Variants in SDK1 observed in about 807,000 individuals in gnomAD.
The protein encoded by SDK1 is protein sidekick-1.
Under a neutral mutation model 245.5 loss-of-function variants are expected in SDK1, and 157 were observed. The ratio of observed to expected loss-of-function variants is 0.64; its 90% CI spans 0.56 to 0.73. The LOEUF (loss-of-function observed/expected upper bound fraction) is 0.73. SDK1 is among the 30% of genes least tolerant of loss of function. The pLI is 0.00. For missense variants in SDK1, 3,583 were observed against 3,002.3 expected, an observed-to-expected ratio of 1.19 and a Z score of -4.52; for synonymous variants, 1,647 against 1,278.5, an observed-to-expected ratio of 1.29 and a Z score of -6.15.
At chr7:3,685,455 G>T (rs1240084544) in intron 4 of SDK1, among the ~76,000 whole-genome samples, 1 of 152,152 alleles carries the variant, frequency 6.6e-6, no homozygotes, top group African/African-American at 2.4e-5. Context: ...TATTGGGGAA[G>T]AGCTGCATAA....
At chr7:3,817,234 C>T (rs1779530430) in intron 4 of SDK1, among the ~76,000 whole-genome samples, 1 of 152,144 alleles carries the variant, frequency 6.6e-6, no homozygotes, top group Admixed American at 6.6e-5. Flanking sequence ...TATTTCTGGA[C>T]ACCTCCTGGA....
chr7:3,955,808 G>C (rs1305779037), intron 7 of SDK1, among the ~76,000 whole-genome samples: 1 of 152,216 alleles, frequency 6.6e-6, no homozygotes, highest in Non-Finnish European at 1.5e-5. Flanking sequence ...CATTGGGCCT[G>C]AGCCTGCACT....
intron 28 of SDK1, among the ~76,000 whole-genome samples, chr7:4,135,712 C>T (rs1251953702): frequency 2.0e-5 from 3 of 152,226 alleles, no homozygotes; most frequent in Non-Finnish European, 2.9e-5. Flanking sequence ...TTCGTGCCTC[C>T]CTCACTGGTT....
intron 1 of SDK1, among the ~76,000 whole-genome samples, chr7:3,529,772 G>A (rs1354320104): frequency 6.6e-6 from 1 of 152,176 alleles, no homozygotes; most frequent in Non-Finnish European, 1.5e-5. Flanking sequence ...CAGAGGGAGA[G>A]CTGGTGACCA....
chr7:3,921,310 A>G (rs950988800), intron 5 of SDK1, among the ~76,000 whole-genome samples: 2 of 152,358 alleles, frequency 1.3e-5, no homozygotes, highest in East Asian at 1.9e-4. Flanking sequence ...ATCATTTTCA[A>G]TAACTGCCTA....
intron 1 of SDK1, among the ~76,000 whole-genome samples, chr7:3,326,565 G>A (rs887693683): frequency 6.6e-5 from 10 of 152,048 alleles, no homozygotes; most frequent in African/African-American, 2.4e-4. Context: ...CTTGTTTCCC[G>A]CCACAGAGCT....
chr7:3,972,375 G>A (rs1449113211), intron 12 of SDK1, among the ~76,000 whole-genome samples: 2 of 152,074 alleles, frequency 1.3e-5, no homozygotes, highest in Non-Finnish European at 2.9e-5. Context: ...TGCCGTGCCC[G>A]GCCAAGGGTT....
intron 5 of SDK1, among the ~76,000 whole-genome samples, chr7:3,905,705 C>A (rs1434367522): frequency 1.3e-5 from 2 of 151,878 alleles, no homozygotes; most frequent in South Asian, 2.1e-4. Flanking sequence ...TCACTGTAAC[C>A]CCGAACTCCT....
rs537931381 is a variant in SDK1, at chr7:3,727,051, T to C, written c.713+84946T>C. Reference sequence around the variant, plus strand: ...TGACTGACAGTCTTGGGAATGTGCATTGCAGTCTTTATAGGCATGACATGC... The same window carrying C: ...TGACTGACAGTCTTGGGAATGTGCACTGCAGTCTTTATAGGCATGACATGC... On this transcript the variant is annotated intron_variant, in intron 4 of 44. Transcript: ENST00000404826. Among the ~76,000 whole-genome samples the C allele has an allele frequency of 8.5e-5, 13 of 152,346 alleles. 1 individual carries two copies. In the South Asian group the frequency reaches 2.7e-3, roughly 32 times the overall value.
At chr7:3,567,575 G>C (rs1779966242) in intron 1 of SDK1, among the ~76,000 whole-genome samples, 1 of 152,242 alleles carries the variant, frequency 6.6e-6, no homozygotes, top group South Asian at 2.1e-4. Flanking sequence ...ATTGCTAACA[G>C]ATGAAGCTGC....
intron 38 of SDK1, among the ~76,000 whole-genome samples, chr7:4,216,429 G>A (rs1378703493): frequency 6.6e-6 from 1 of 152,146 alleles, no homozygotes; most frequent in East Asian, 1.9e-4. Flanking sequence ...AGACAACTGT[G>A]CCTGCGTGGG....
At chr7:3,579,180 TTCTA>T (rs1297777734) in intron 1 of SDK1, among the ~76,000 whole-genome samples, 2 of 151,982 alleles carry the variant, frequency 1.3e-5, no homozygotes, top group African/African-American at 4.8e-5. Flanking sequence ...CCCCAAGTCA[TTCTA>T]TAAGGCAGCA....
intron 1 of SDK1, among the ~76,000 whole-genome samples, chr7:3,462,892 C>T (rs1005526261): frequency 2.6e-5 from 4 of 152,136 alleles, no homozygotes; most frequent in Non-Finnish European, 4.4e-5. Context: ...TCATGTTACC[C>T]CCACCAGGTT....
rs191062900 is a variant in SDK1 at position 3,591,034 on chromosome 7, T to C, written c.299-28046T>C. ...TAAAAAACTCCCCAGGAGATCCTAATGTGCAAAGTTAAGAACAACGGTTTA... is the reference window on the plus strand; with the variant it reads ...TAAAAAACTCCCCAGGAGATCCTAACGTGCAAAGTTAAGAACAACGGTTTA... On this transcript the variant is annotated intron_variant, in intron 1 of 44. Transcript: ENST00000404826. Among the ~76,000 whole-genome samples, 566 of 152,274 alleles carry C rather than the reference T, an allele frequency of 3.7e-3. 6 individuals carry two copies. The highest frequency in any genetic ancestry group is 0.013 in the African/African-American group (535 of 41,548).
chr7:3,632,888 TTTCA>T (rs992833946), intron 2 of SDK1, among the ~76,000 whole-genome samples: 2 of 152,218 alleles, frequency 1.3e-5, no homozygotes, highest in Non-Finnish European at 2.9e-5. Flanking sequence ...GGGTTTTTCA[TTTCA>T]TTATTTTGCT....
chr7:4,091,327 T>G (rs568871594), intron 22 of SDK1, among the ~76,000 whole-genome samples: 10 of 119,682 alleles, frequency 8.4e-5, no homozygotes, highest in Admixed American at 1.5e-4. Context: ...CCATTTTCTT[T>G]TCTTTTCTTT....
intron 1 of SDK1, among the ~76,000 whole-genome samples, chr7:3,566,488 G>A (rs1448734592): frequency 6.6e-6 from 1 of 151,996 alleles, no homozygotes; most frequent in Non-Finnish European, 1.5e-5. Flanking sequence ...GCCTCCCAAA[G>A]TGCTGGGATT....
intron 5 of SDK1, among the ~76,000 whole-genome samples, chr7:3,862,518 T>G (rs1177210935): frequency 6.6e-6 from 1 of 152,266 alleles, no homozygotes; most frequent in Admixed American, 6.5e-5. Context: ...TTAATGTTTA[T>G]GCATCAGAAA....
At chr7:3,701,467 G>A (rs1048302739) in intron 4 of SDK1, among the ~76,000 whole-genome samples, 1 of 152,182 alleles carries the variant, frequency 6.6e-6, no homozygotes, top group African/African-American at 2.4e-5. Flanking sequence ...GGGAGTGGTA[G>A]CACGTGCCTG....
Sources: gnomAD v4.1 joint callset for allele counts (sites outside exome capture counted in the v4.1 genomes callset) on GRCh38, gnomAD v4.1.1 for gene constraint, MANE v1.5 for transcripts, NCBI Gene and HGNC (gene_info 2026-07-23, HGNC 2026-07-21) for gene names.